The following SGK1 variants were observed in gnomAD, a reference collection of about 807,000 sequenced individuals.
The protein encoded by SGK1 is serum/glucocorticoid regulated kinase 1, also known as serine/threonine-protein kinase Sgk1.
A neutral mutation model predicts 64.2 loss-of-function variants in SGK1; 26 were observed. That is an observed-to-expected ratio of 0.40 (90% confidence interval 0.30 to 0.56). The LOEUF is 0.56. Ranked by LOEUF, SGK1 falls within the 20% of genes least tolerant of loss-of-function variation. SGK1 has a pLI of 0.38. For missense variants in SGK1, 519 were observed against 645.6 expected, an observed-to-expected ratio of 0.80 and a Z score of 2.12; for synonymous variants, 265 against 239.7, an observed-to-expected ratio of 1.11 and a Z score of -0.98.
intron 3 of SGK1, among the ~76,000 whole-genome samples, chr6:134,179,677 C>A (rs1775302624): frequency 6.6e-6 from 1 of 151,866 alleles, no homozygotes; most frequent in Non-Finnish European, 1.5e-5. Context: ...AGATGTGATA[C>A]AGTAGATAAC....
At chr6:134,174,121 A>T in intron 4 of SGK1, 41 bp from the exon 5 acceptor site, 3 of 1,423,142 alleles carry the variant, frequency 2.1e-6, no homozygotes, top group Non-Finnish European at 2.9e-6. Context: ...CCAGCTCGCC[A>T]CTAGGGGGCA....
At position 134,307,979 on chromosome 6, in the gene SGK1, G is replaced by T. The variant is rs145966040; in HGVS notation, c.69+9413C>A. 1.7e-3 allele frequency among the ~76,000 whole-genome samples: 263 copies of T among 152,290 alleles called. 1 individual carries two copies. The highest frequency in any genetic ancestry group is 5.8e-3 in the African/African-American group (243 of 41,560). On this transcript the variant is annotated intron_variant, in intron 1 of 13. Coordinates refer to ENST00000367858, the MANE Select transcript of SGK1 (RefSeq NM_001143676.3). Reference sequence around the variant, plus strand: ...ACAGAACTGTGAACAAGGCAGACAAGGTCCTGCACCCAGCACGTGTATATT... The same window carrying T: ...ACAGAACTGTGAACAAGGCAGACAATGTCCTGCACCCAGCACGTGTATATT...
chr6:134,197,884 AATAAAATAAAATAAAAT>A (rs1286028578), intron 3 of SGK1, among the ~76,000 whole-genome samples: 3 of 86,698 alleles, frequency 3.5e-5, no homozygotes, highest in African/African-American at 7.7e-5. Context: ...TAAAATATAA[AATAAAATAAAATAAAAT>A]ATAAAATAAA....
intron 2 of SGK1, among the ~76,000 whole-genome samples, chr6:134,255,158 C>T (rs1019836100): frequency 1.3e-5 from 2 of 152,040 alleles, no homozygotes; most frequent in Non-Finnish European, 2.9e-5. Context: ...CGTGAGCCAC[C>T]GTGCCCGGCT....
chr6:134,235,201 G>A (rs1045588184), intron 2 of SGK1, among the ~76,000 whole-genome samples: 2 of 152,204 alleles, frequency 1.3e-5, no homozygotes, highest in Admixed American at 6.5e-5. Flanking sequence ...TGGAGGTTGA[G>A]CAGTCTTTTC....
At chr6:134,205,245 A>G (rs1775751398) in intron 3 of SGK1, among the ~76,000 whole-genome samples, 1 of 152,204 alleles carries the variant, frequency 6.6e-6, no homozygotes, top group South Asian at 2.1e-4. Flanking sequence ...TACTAGCAGT[A>G]TTAGCCAGCA....
intron 2 of SGK1, among the ~76,000 whole-genome samples, chr6:134,217,039 C>T (rs1775997974): frequency 6.6e-6 from 1 of 152,138 alleles, no homozygotes; most frequent in South Asian, 2.1e-4. Flanking sequence ...ATTCAGAAGG[C>T]TTGGCAGTTT....
intron 1 of SGK1, among the ~76,000 whole-genome samples, chr6:134,316,083 T>C (rs953976579): frequency 6.6e-6 from 1 of 152,174 alleles, no homozygotes; most frequent in Non-Finnish European, 1.5e-5. Context: ...GTTGGTTTCA[T>C]TTTGGTTTGA....
chr6:134,314,068 T>C (rs1777643447), intron 1 of SGK1, among the ~76,000 whole-genome samples: 1 of 152,220 alleles, frequency 6.6e-6, no homozygotes. Flanking sequence ...ACTTAAAGAA[T>C]GAAAGTAGAA....
intron 3 of SGK1, chr6:134,175,647 C>T (rs1777850765): frequency 1.3e-6 from 2 of 1,525,884 alleles, no homozygotes; most frequent in East Asian, 2.6e-5. Context: ...CCAGCGCGCC[C>T]TGCATCTCCC....
At chr6:134,263,647 C>T (rs1776801403) in intron 1 of SGK1, among the ~76,000 whole-genome samples, 1 of 151,984 alleles carries the variant, frequency 6.6e-6, no homozygotes, top group African/African-American at 2.4e-5. Context: ...TTGTAAAATC[C>T]CTATAAGATA....
chr6:134,173,150 T>A lies in SGK1; in HGVS notation c.707A>T (p.Lys236Met), dbSNP rs758719635. The change falls in exon 8 of 14, where the codon AAG becomes ATG. Residue 236 changes from lysine (K) to methionine (M), a missense_variant. By Grantham distance (95) the Lys-to-Met change is moderately conservative (BLOSUM62 -1). Around this residue, in one of 2 missense-constraint regions of SGK1, gnomAD observed 278 missense variants for 408.7 expected, o/e 0.68. Coordinates refer to ENST00000367858, the MANE Select transcript of SGK1 (RefSeq NM_001143676.3). ...AACATTCCGCTCCGACATAATATGC[T>A]TCTCCTAGGAAAATGACGATTCAGA... is the stretch of plus-strand genomic sequence containing the variant. ...KKAILKKKEEKHIMSERNVLL... is the reference protein window; with the variant it reads ...KKAILKKKEEMHIMSERNVLL... 6.2e-7 allele frequency: 1 copy of A among 1,612,370 alleles called. No individual in the cohort carries two copies. Among genetic ancestry groups the A allele is most frequent in the Non-Finnish European group, 8.5e-7 (1 of 1,178,734 alleles).
chr6:134,213,624 A>AAATAAATAAATG (rs1775928374), intron 2 of SGK1, among the ~76,000 whole-genome samples: 1 of 137,084 alleles, frequency 7.3e-6, no homozygotes, highest in South Asian at 2.1e-4. Flanking sequence ...CAAAATAAAT[A>AAATAAATAAATG]AATAAATAAA....
chr6:134,173,489 T>C lies in SGK1; in HGVS notation c.591A>G (p.Lys197=), dbSNP rs1395747451. The part of the protein sequence containing the change: ...HAKPSDFHFL[K]VIGKGSFGKV... ...TTCCAAAACTGCCCTTTCCGATCAC[T>C]TTCAAGAAGTGAAAGTCAGATGGTT... The change falls in exon 6 of 14, where the codon AAA becomes AAG. Residue 197 remains lysine, a synonymous_variant. Coordinates refer to ENST00000367858, the MANE Select transcript of SGK1 (RefSeq NM_001143676.3). The C allele has an allele frequency of 6.2e-7, 1 of 1,613,246 alleles. No individual in the cohort carries two copies. Among genetic ancestry groups the C allele is most frequent in the Non-Finnish European group, 8.5e-7 (1 of 1,179,782 alleles).
intron 1 of SGK1, among the ~76,000 whole-genome samples, chr6:134,271,077 G>GAAAATTATTTTAGGT (rs1776933900): frequency 2.8e-4 from 37 of 131,908 alleles, no homozygotes; most frequent in Non-Finnish European, 4.1e-4. Flanking sequence ...AGTGCTTTGG[G>GAAAATTATTTTAGGT]AGGCCGAGGC....
chr6:134,300,791 C>T (rs1391010666), intron 1 of SGK1, among the ~76,000 whole-genome samples: 5 of 151,462 alleles, frequency 3.3e-5, no homozygotes, highest in Non-Finnish European at 7.4e-5. Context: ...CGCCACCACA[C>T]CCGGCTAATT....
intron 3 of SGK1, chr6:134,176,047 G>A (rs1775224849): frequency 2.1e-6 from 2 of 959,522 alleles, no homozygotes; most frequent in South Asian, 9.6e-5. Flanking sequence ...CGTTCCGCAT[G>A]TAATTTTTTT....
chr6:134,205,400 T>G (rs570121436), intron 3 of SGK1, among the ~76,000 whole-genome samples: 11 of 151,878 alleles, frequency 7.2e-5, no homozygotes, highest in Non-Finnish European at 1.5e-4. Context: ...ATGAAATTGA[T>G]AATGTTTAGA....
chr6:134,274,259 C>A (rs1478980455), intron 1 of SGK1, among the ~76,000 whole-genome samples: 1 of 152,180 alleles, frequency 6.6e-6, no homozygotes, highest in Non-Finnish European at 1.5e-5. Context: ...CCACCTCGGC[C>A]TCCCAAAGCC....
Sources: gnomAD v4.1 joint callset for allele counts (sites outside exome capture counted in the v4.1 genomes callset) on GRCh38, gnomAD v4.1.1 for gene constraint, gnomAD v4.1.1 regional missense constraint, MANE v1.5 for transcripts, NCBI Gene and HGNC (gene_info 2026-07-23, HGNC 2026-07-21) for gene names.